The following KAZN variants were observed in gnomAD, a reference collection of about 807,000 sequenced individuals.
KAZN encodes the protein kazrin, periplakin interacting protein.
In KAZN, 40 loss-of-function variants were observed where a neutral mutation model predicts 87.4. The observed-to-expected ratio is 0.46, with a 90% confidence interval of 0.36 to 0.60. The LOEUF (loss-of-function observed/expected upper bound fraction) is 0.60. KAZN is among the 20% of genes least tolerant of loss of function. The pLI, the probability that KAZN is intolerant of heterozygous loss-of-function variation, is 0.00. For synonymous variants in KAZN, 466 were observed against 458.3 expected (o/e 1.02, Z -0.22); for missense variants, 898 against 1,073.9 (o/e 0.84, Z 2.29).
intron 1 of KAZN, among the ~76,000 whole-genome samples, chr1:14,689,723 G>A (rs1389171223): frequency 6.6e-6 from 1 of 152,234 alleles, no homozygotes; most frequent in Non-Finnish European, 1.5e-5. Flanking sequence ...GCAAGGGGCT[G>A]CGAAGCTAGA....
At chr1:13,909,871 G>GC (rs1429149213) in intron 1 of KAZN, among the ~76,000 whole-genome samples, 1 of 152,146 alleles carries the variant, frequency 6.6e-6, no homozygotes, top group African/African-American at 2.4e-5. Context: ...CCTCTTCTTG[G>GC]CTGGCTTCAG....
intron 1 of KAZN, among the ~76,000 whole-genome samples, chr1:14,151,656 G>C (rs1557517814): frequency 6.6e-6 from 1 of 152,202 alleles, no homozygotes; most frequent in African/African-American, 2.4e-5. Context: ...CTAAGGACCA[G>C]TGTTCCCAAA....
chr1:14,125,985 G>C (rs1340184697), intron 1 of KAZN, among the ~76,000 whole-genome samples: 1 of 151,454 alleles, frequency 6.6e-6, no homozygotes, highest in East Asian at 1.9e-4. Flanking sequence ...TGGGAGTTGC[G>C]GGCAGCTCTT....
chr1:14,758,896 C>T (rs1644652971), intron 1 of KAZN, among the ~76,000 whole-genome samples: 1 of 125,606 alleles, frequency 8.0e-6, no homozygotes, highest in Non-Finnish European at 1.7e-5. Context: ...TGAGCTGGGT[C>T]ATTTGAATCC....
chr1:14,286,706 G>A (rs1392575120), intron 2 of KAZN, among the ~76,000 whole-genome samples: 1 of 151,840 alleles, frequency 6.6e-6, no homozygotes, highest in Non-Finnish European at 1.5e-5. Flanking sequence ...ACATACCCAG[G>A]TCCCCTAGAT....
At chr1:14,173,137 T>C (rs181457914) in intron 1 of KAZN, among the ~76,000 whole-genome samples, 2 of 151,720 alleles carry the variant, frequency 1.3e-5, no homozygotes, top group African/African-American at 4.8e-5. Flanking sequence ...AGGGGAGGAG[T>C]AGCAAAAAAT....
chr1:15,099,242 T>C lies in KAZN; in HGVS notation c.1548-2301T>C, dbSNP rs1440500183. 6.6e-6 allele frequency among the ~76,000 whole-genome samples: 1 copy of C among 152,180 alleles called. No homozygotes were observed. The highest frequency in any genetic ancestry group is 1.5e-5 in the Non-Finnish European group (1 of 68,026). On this transcript the variant is annotated intron_variant, in intron 10 of 14. Transcript: ENST00000376030. This position sits in a 1 kb window ranked among gnomAD's most constrained non-coding sequence, Gnocchi z 5.4. ...AGCCCATCCTGCTCTTAGCCATTAT[T>C]CCAGGAAGCATTCAATCAGTGTCTA...
intron 1 of KAZN, among the ~76,000 whole-genome samples, chr1:14,167,200 G>A (rs1645847421): frequency 6.6e-6 from 1 of 152,202 alleles, no homozygotes; most frequent in Non-Finnish European, 1.5e-5. Flanking sequence ...TCAAGGTCAG[G>A]GGACAGAGCA....
chr1:14,271,136 C>T (rs1651890686), intron 2 of KAZN, among the ~76,000 whole-genome samples: 1 of 152,226 alleles, frequency 6.6e-6, no homozygotes, highest in African/African-American at 2.4e-5. Flanking sequence ...TGTGTCCTCA[C>T]AGGGTCTTCC....
chr1:15,034,986 A>G, intron 3 of KAZN, 101 bp downstream of exon 3: 4 of 1,421,774 alleles, frequency 2.8e-6, no homozygotes, highest in Non-Finnish European at 3.9e-6. Flanking sequence ...GAATCCCCAA[A>G]CACAGATAGG....
intron 1 of KAZN, among the ~76,000 whole-genome samples, chr1:14,936,037 G>A (rs760030122): frequency 3.9e-5 from 6 of 152,314 alleles, no homozygotes; most frequent in Non-Finnish European, 8.8e-5. Flanking sequence ...GACGACATCC[G>A]CCCATCCCAC....
chr1:14,661,039 G>A (rs541873509), intron 1 of KAZN, among the ~76,000 whole-genome samples: 4 of 152,256 alleles, frequency 2.6e-5, no homozygotes, highest in Middle Eastern at 3.4e-3. Flanking sequence ...GTAAGTGTTC[G>A]TTGAGCTTTG....
At chr1:14,535,063 C>A (rs2148486557) in intron 2 of KAZN, among the ~76,000 whole-genome samples, 1 of 152,278 alleles carries the variant, frequency 6.6e-6, no homozygotes, top group South Asian at 2.1e-4. Flanking sequence ...GGAACAAACT[C>A]TTTGTCTTCC....
chr1:14,533,172 A>C (rs1672306875), intron 2 of KAZN, among the ~76,000 whole-genome samples: 1 of 152,166 alleles, frequency 6.6e-6, no homozygotes, highest in Non-Finnish European at 1.5e-5. Flanking sequence ...ACTTCGTAGA[A>C]TCCTTAATAA....
intron 1 of KAZN, among the ~76,000 whole-genome samples, chr1:14,738,010 C>T (rs1643962853): frequency 6.6e-6 from 1 of 152,188 alleles, no homozygotes. Context: ...TGCATGCACT[C>T]AAAGTGGGTA....
At chr1:14,833,841 C>T (rs369078850) in intron 1 of KAZN, among the ~76,000 whole-genome samples, 1 of 151,920 alleles carries the variant, frequency 6.6e-6, no homozygotes, top group Admixed American at 6.6e-5. Flanking sequence ...AGGTGGTGGC[C>T]GCCTCGTTCA....
chr1:14,542,088 A>G (rs1215404874), intron 2 of KAZN, among the ~76,000 whole-genome samples: 1 of 152,130 alleles, frequency 6.6e-6, no homozygotes, highest in African/African-American at 2.4e-5. Context: ...TCTGTGTCTC[A>G]GGGGTATCCT....
chr1:14,343,875 C>T (rs1275225538), intron 2 of KAZN, among the ~76,000 whole-genome samples: 1 of 152,182 alleles, frequency 6.6e-6, no homozygotes, highest in Non-Finnish European at 1.5e-5. Flanking sequence ...CACATTGCAA[C>T]ATTTTCATGT....
chr1:14,740,345 A>G (rs114973615), intron 1 of KAZN, among the ~76,000 whole-genome samples: 197 of 152,292 alleles, frequency 1.3e-3, no homozygotes, highest in Middle Eastern at 6.8e-3. Flanking sequence ...GAGGGAGTGG[A>G]ATTTGACTTC....
Sources: gnomAD v4.1 joint callset for allele counts (sites outside exome capture counted in the v4.1 genomes callset) on GRCh38, gnomAD v4.1.1 for gene constraint, Gnocchi (gnomAD v3.1) non-coding constraint, MANE v1.5 for transcripts, NCBI Gene and HGNC (gene_info 2026-07-23, HGNC 2026-07-21) for gene names.